CLASP2: variants seen among roughly 807,000 people sequenced by gnomAD.
CLASP2 encodes the protein CLIP-associating protein 2.
A neutral mutation model predicts 194.4 loss-of-function variants in CLASP2; 47 were observed. The ratio of observed to expected loss-of-function variants is 0.24; its 90% confidence interval spans 0.19 to 0.31. The LOEUF is 0.31. Ranked by LOEUF, CLASP2 falls within the 10% of genes least tolerant of loss-of-function variation. The probability of loss-of-function intolerance (pLI) is 1.00; values close to 1 mark genes in which losing one functional copy is unlikely to be tolerated. For synonymous variants in CLASP2, 619 were observed against 633.5 expected, an observed-to-expected ratio of 0.98 and a Z score of 0.34; for missense variants, 1,445 against 1,823.6, an observed-to-expected ratio of 0.79 and a Z score of 3.78.
At chr3:33,601,154 G>GT in intron 18 of CLASP2, among the ~76,000 whole-genome samples, 1 of 152,052 alleles carries the variant, frequency 6.6e-6, no homozygotes, top group South Asian at 2.1e-4. Flanking sequence ...TAGAGACGGT[G>GT]TTTCACCGTG....
chr3:33,654,086 C>T (rs960171775), intron 7 of CLASP2, among the ~76,000 whole-genome samples: 1 of 149,622 alleles, frequency 6.7e-6, no homozygotes, highest in Non-Finnish European at 1.5e-5. Flanking sequence ...GTTAACACCA[C>T]AGTAAAGCCA....
chr3:33,648,804 T>G (rs184964111), intron 7 of CLASP2, among the ~76,000 whole-genome samples: 30 of 152,330 alleles, frequency 2.0e-4, no homozygotes, highest in Non-Finnish European at 3.4e-4. Context: ...ATTGGAAGCT[T>G]CTTAAGGAGA....
At chr3:33,553,729 C>T (rs1353775979) in intron 29 of CLASP2, among the ~76,000 whole-genome samples, 5 of 152,094 alleles carry the variant, frequency 3.3e-5, no homozygotes, top group African/African-American at 7.2e-5. Context: ...GTGGAGAAAA[C>T]GAAACTCTTC....
chr3:33,513,514 A>G (rs2050493136), intron 36 of CLASP2, among the ~76,000 whole-genome samples: 1 of 152,214 alleles, frequency 6.6e-6, no homozygotes, highest in African/African-American at 2.4e-5. Flanking sequence ...CCTGGGTGAC[A>G]GCGAGACTCG....
At chr3:33,609,125 C>A (rs2074560136) in intron 13 of CLASP2, among the ~76,000 whole-genome samples, 1 of 151,596 alleles carries the variant, frequency 6.6e-6, no homozygotes. Flanking sequence ...ATTAAAAATA[C>A]AAAAATTAGC....
chr3:33,694,680 C>G (rs2091689651), intron 2 of CLASP2, among the ~76,000 whole-genome samples: 1 of 152,214 alleles, frequency 6.6e-6, no homozygotes, highest in Non-Finnish European at 1.5e-5. Flanking sequence ...TACAAAGCAA[C>G]TTCTGATCAG....
intron 7 of CLASP2, among the ~76,000 whole-genome samples, chr3:33,662,772 G>T (rs972893632): frequency 6.6e-6 from 1 of 152,048 alleles, no homozygotes; most frequent in Admixed American, 6.5e-5. Flanking sequence ...TTTGGAAATA[G>T]AATATATTCT....
In CLASP2 at chr3:33,535,300, G is replaced by A. The variant is rs751593894; in HGVS notation, c.3720C>T (p.Ile1240=). ...TGAGGGCAGACTTGTTGAAGGGACT[G>A]ATGCTATCTGAATAGTTATATGGAT... ...DYNPYNYSDS[I]SPFNKSALKE... The change falls in exon 34 of 39, where the codon ATC becomes ATT. Residue 1240 remains isoleucine (I), a synonymous_variant. Transcript: ENST00000682230. The A allele has an allele frequency of 3.7e-6, 6 of 1,613,806 alleles. No homozygotes were observed. Among genetic ancestry groups the A allele is most frequent in the Non-Finnish European group, 5.1e-6 (6 of 1,179,844 alleles).
intron 14 of CLASP2, 30 bp downstream of exon 14, chr3:33,608,537 A>C: frequency 6.4e-7 from 1 of 1,558,336 alleles, no homozygotes; most frequent in Non-Finnish European, 8.8e-7. Context: ...ATGGGGAGGA[A>C]AGTGGGAGGA....
chr3:33,506,667 G>T (rs1338107638), intron 37 of CLASP2, among the ~76,000 whole-genome samples: 4 of 151,984 alleles, frequency 2.6e-5, no homozygotes, highest in Non-Finnish European at 5.9e-5. Flanking sequence ...TTCTGTATAT[G>T]GTGTGAGGTA....
At chr3:33,700,833 A>G (rs1193834564) in intron 1 of CLASP2, among the ~76,000 whole-genome samples, 3 of 152,134 alleles carry the variant, frequency 2.0e-5, no homozygotes, top group Non-Finnish European at 2.9e-5. Flanking sequence ...CTGGGTGACA[A>G]GAGTGAAACT....
chr3:33,617,021 T>C (rs1348991183), intron 12 of CLASP2, among the ~76,000 whole-genome samples: 3 of 151,166 alleles, frequency 2.0e-5, no homozygotes, highest in Non-Finnish European at 4.4e-5. Flanking sequence ...TAAGCCACCA[T>C]GCCCAGCCTC....
intron 23 of CLASP2, chr3:33,576,570 A>G (rs927011540): frequency 1.2e-5 from 4 of 336,414 alleles, no homozygotes; most frequent in African/African-American, 8.6e-5. Context: ...ATAGCCCTGT[A>G]ATCCAGCTCT....
intron 2 of CLASP2, among the ~76,000 whole-genome samples, chr3:33,695,995 C>G (rs1386597085): frequency 2.0e-5 from 3 of 152,172 alleles, no homozygotes; most frequent in African/African-American, 4.8e-5. Context: ...CACTGTACTA[C>G]AAACACACTG....
rs902858548 is a variant in CLASP2 at position 33,654,569 on chromosome 3, C to T, written c.715+8876G>A. ...TAAACTAATAAAGGGGAAAAGCTTA[C>T]GAAAAAATAATAGGAGAAAACTTCC... On this transcript the variant is annotated intron_variant, in intron 7 of 38. Transcript: ENST00000682230. Among the ~76,000 whole-genome samples the T allele has an allele frequency of 1.5e-4, 22 of 151,720 alleles. No homozygotes were observed. In the South Asian group the frequency reaches 1.9e-3, roughly 13 times the overall value.
At chr3:33,559,606 C>T (rs930855551) in intron 28 of CLASP2, among the ~76,000 whole-genome samples, 1 of 152,086 alleles carries the variant, frequency 6.6e-6, no homozygotes, top group Non-Finnish European at 1.5e-5. Flanking sequence ...TAAAAAGTAA[C>T]TCTACAGGCC....
At chr3:33,681,887 G>A (rs1424665548) in intron 6 of CLASP2, among the ~76,000 whole-genome samples, 2 of 152,190 alleles carry the variant, frequency 1.3e-5, no homozygotes, top group East Asian at 1.9e-4. Flanking sequence ...CCCTGGGGCA[G>A]GGAAGAGTGA....
chr3:33,625,363 AAC>A (rs779554126), intron 10 of CLASP2, among the ~76,000 whole-genome samples: 2,704 of 150,110 alleles, frequency 0.018, 72 homozygotes, highest in African/African-American at 0.062. Flanking sequence ...AGATTCCTAT[AAC>A]ACACACACAC....
intron 34 of CLASP2, among the ~76,000 whole-genome samples, chr3:33,527,335 C>T (rs1343261302): frequency 6.6e-6 from 1 of 152,156 alleles, no homozygotes; most frequent in Admixed American, 6.5e-5. Context: ...ACTACGAACA[C>T]CTCTATGCAT....
Sources: allele counts gnomAD v4.1 joint callset (sites outside exome capture counted in the v4.1 genomes callset), GRCh38; gene constraint gnomAD v4.1.1; transcripts MANE v1.5; gene names NCBI Gene and HGNC (gene_info 2026-07-23, HGNC 2026-07-21).